Variants in NCAM2 observed in about 807,000 individuals in gnomAD.
The protein encoded by NCAM2 is N-CAM-2.
In NCAM2, 30 loss-of-function variants were observed where a neutral mutation model predicts 98.1. That is an observed-to-expected ratio of 0.31 (90% CI 0.23 to 0.41). NCAM2 has a LOEUF of 0.41. NCAM2 is among the 10% of genes least tolerant of loss of function. The probability of loss-of-function intolerance (pLI) is 1.00; values close to 1 mark genes in which losing one functional copy is unlikely to be tolerated. For synonymous variants in NCAM2, 368 were observed against 342.4 expected (o/e 1.07, Z -0.83); for missense variants, 867 against 1,005.8 (o/e 0.86, Z 1.87).
chr21:21,382,515 GGA>G (rs140514625), intron 9 of NCAM2, among the ~76,000 whole-genome samples: 52,189 of 142,106 alleles, frequency 0.37, 9,900 homozygotes, highest in East Asian at 0.58. Flanking sequence ...TTTATTTCAG[GGA>G]TTTTTTTTTT....
At chr21:21,356,385 A>AT (rs1265415239) in intron 8 of NCAM2, among the ~76,000 whole-genome samples, 3 of 152,086 alleles carry the variant, frequency 2.0e-5, no homozygotes, top group African/African-American at 7.2e-5. Flanking sequence ...AAAATTATTT[A>AT]TTTAAGCCAG....
chr21:21,020,718 A>C (rs995491619), intron 1 of NCAM2, among the ~76,000 whole-genome samples: 1 of 152,132 alleles, frequency 6.6e-6, no homozygotes, highest in Non-Finnish European at 1.5e-5. Context: ...TGATACCCCC[A>C]GCTAGTTCGG....
At chr21:21,265,982 A>C (rs1008789073) in intron 1 of NCAM2, among the ~76,000 whole-genome samples, 1 of 152,134 alleles carries the variant, frequency 6.6e-6, no homozygotes, top group African/African-American at 2.4e-5. Flanking sequence ...TGAATGAAAA[A>C]TATTAATGAA....
intron 5 of NCAM2, among the ~76,000 whole-genome samples, chr21:21,297,413 C>T (rs2073527351): frequency 6.6e-6 from 1 of 151,642 alleles, no homozygotes; most frequent in Admixed American, 6.6e-5. Context: ...TCCAACCTGC[C>T]TAAAACCTTT....
intron 1 of NCAM2, among the ~76,000 whole-genome samples, chr21:21,232,403 T>G (rs1282299056): frequency 6.6e-6 from 1 of 151,592 alleles, no homozygotes; most frequent in East Asian, 1.9e-4. Flanking sequence ...AAACATTGAA[T>G]TAAATATTTT....
At chr21:21,307,132 T>C (rs1348417111) in intron 5 of NCAM2, among the ~76,000 whole-genome samples, 1 of 152,154 alleles carries the variant, frequency 6.6e-6, no homozygotes, top group Non-Finnish European at 1.5e-5. Context: ...AATATATTAC[T>C]GATGTAATTG....
chr21:21,236,838 C>G (rs1363549947), intron 1 of NCAM2, among the ~76,000 whole-genome samples: 1 of 151,914 alleles, frequency 6.6e-6, no homozygotes, highest in East Asian at 1.9e-4. Flanking sequence ...CATGCTTTCC[C>G]TAATATCCAC....
chr21:21,147,492 C>G (rs975664346), intron 1 of NCAM2, among the ~76,000 whole-genome samples: 1 of 151,470 alleles, frequency 6.6e-6, no homozygotes, highest in African/African-American at 2.4e-5. Flanking sequence ...TCACTGTAGC[C>G]TCAATATACA....
chr21:21,014,696 C>G (rs2064273594), intron 1 of NCAM2, among the ~76,000 whole-genome samples: 1 of 152,154 alleles, frequency 6.6e-6, no homozygotes, highest in Non-Finnish European at 1.5e-5. Context: ...TTCTGTAGCT[C>G]AGGGATCAAG....
rs373134464 is a variant in NCAM2 at position 21,323,550 on chromosome 21, T to C, written c.620-833T>C. On this transcript the variant is annotated intron_variant, in intron 5 of 17. Transcript: ENST00000400546. Reference sequence around the variant, plus strand: ...CTTTATGATATTCAGCTTAAAATTATAAAAGTGTGCATTGAGTCACAATTT... The same window carrying C: ...CTTTATGATATTCAGCTTAAAATTACAAAAGTGTGCATTGAGTCACAATTT... 3.3e-5 allele frequency among the ~76,000 whole-genome samples: 5 copies of C among 152,296 alleles called. No homozygotes were observed. In the South Asian group the frequency reaches 1.0e-3, roughly 32 times the overall value.
intron 5 of NCAM2, among the ~76,000 whole-genome samples, chr21:21,300,633 G>T (rs1467229260): frequency 6.6e-6 from 1 of 151,928 alleles, no homozygotes; most frequent in African/African-American, 2.4e-5. Flanking sequence ...CAAGGAAAAA[G>T]GTGATATTTT....
intron 6 of NCAM2, among the ~76,000 whole-genome samples, chr21:21,333,131 C>A (rs1428299795): frequency 6.6e-6 from 1 of 151,966 alleles, no homozygotes; most frequent in Non-Finnish European, 1.5e-5. Flanking sequence ...TTGTGAATAG[C>A]AATAGGAGCA....
At chr21:21,068,300 T>C (rs373219359) in intron 1 of NCAM2, among the ~76,000 whole-genome samples, 41 of 149,626 alleles carry the variant, frequency 2.7e-4, no homozygotes, top group African/African-American at 9.6e-4. Context: ...GCCTGGCTAA[T>C]TTTTTGTATT....
chr21:21,241,719 A>G (rs1053673678), intron 1 of NCAM2, among the ~76,000 whole-genome samples: 7 of 68,300 alleles, frequency 1.0e-4, no homozygotes, highest in Non-Finnish European at 1.6e-4. Context: ...TTTTTTTTTT[A>G]TTAATAACAT....
chr21:21,543,313 A>G lies in NCAM2; in HGVS notation c.*5356A>G, dbSNP rs1274923609. 2 of 151,798 alleles carry G rather than the reference A, an allele frequency of 1.3e-5. No individual in the cohort carries two copies. Among genetic ancestry groups the G allele is most frequent in the African/African-American group, 2.4e-5 (1 of 41,432 alleles). 9.4% of individuals were successfully genotyped at this position (151,798 alleles called of 1,614,324 possible). A position where few individuals can be genotyped will look rare whatever the true frequency, so the allele number is the denominator to read the frequency against. ...TTCACCATTTGTATATTAATAGTAA[A>G]GATACTTTTACTTTAATAAAGTGTT... On this transcript the variant is annotated 3_prime_UTR_variant, in exon 18 of 18. Coordinates refer to ENST00000400546, the MANE Select transcript of NCAM2 (RefSeq NM_004540.5).
At chr21:21,202,995 C>T (rs1601635494) in intron 1 of NCAM2, among the ~76,000 whole-genome samples, 1 of 152,078 alleles carries the variant, frequency 6.6e-6, no homozygotes, top group Admixed American at 6.6e-5. Flanking sequence ...TTGTTTGTCT[C>T]CAATTTCACA....
chr21:21,237,471 A>C (rs1002611392), intron 1 of NCAM2, among the ~76,000 whole-genome samples: 2 of 152,120 alleles, frequency 1.3e-5, no homozygotes, highest in Non-Finnish European at 2.9e-5. Flanking sequence ...CTCAGAGATA[A>C]AATTTTTATT....
chr21:21,454,795 G>C (rs1028378796), intron 12 of NCAM2, among the ~76,000 whole-genome samples: 1 of 151,752 alleles, frequency 6.6e-6, no homozygotes, highest in Non-Finnish European at 1.5e-5. Context: ...AAAAAACCAG[G>C]GCTTTAAGGA....
chr21:21,014,696 CAG>C (rs1208272329), intron 1 of NCAM2, among the ~76,000 whole-genome samples: 8 of 152,154 alleles, frequency 5.3e-5, no homozygotes, highest in African/African-American at 1.7e-4. Flanking sequence ...TTCTGTAGCT[CAG>C]GGATCAAGGA....
Sources: gnomAD v4.1 joint callset for allele counts (sites outside exome capture counted in the v4.1 genomes callset) on GRCh38, gnomAD v4.1.1 for gene constraint, MANE v1.5 for transcripts, NCBI Gene and HGNC (gene_info 2026-07-23, HGNC 2026-07-21) for gene names.